RFC3: variants seen among roughly 807,000 people sequenced by gnomAD.
The protein encoded by RFC3 is A1 38 kDa subunit.
In RFC3, 41 loss-of-function variants were observed where a neutral mutation model predicts 45.1. The ratio of observed to expected loss-of-function variants is 0.91; its 90% CI spans 0.71 to 1.18. The LOEUF is 1.18. Among genes scored for constraint, RFC3 ranks in the 50% most tolerant of loss-of-function variants. The pLI, the probability that RFC3 is intolerant of heterozygous loss-of-function variation, is 0.00. For missense variants in RFC3, 423 were observed against 428.1 expected, an observed-to-expected ratio of 0.99 and a Z score of 0.10; for synonymous variants, 149 against 144.0, an observed-to-expected ratio of 1.03 and a Z score of -0.25.
chr13:33,922,635 G>A (rs2082776512), intron 8 of RFC3, among the ~76,000 whole-genome samples: 1 of 152,084 alleles, frequency 6.6e-6, no homozygotes, highest in Non-Finnish European at 1.5e-5. Context: ...AAACCTTTGG[G>A]AAAAATATGT....
intron 8 of RFC3, among the ~76,000 whole-genome samples, chr13:33,888,128 A>G (rs189474074): frequency 1.3e-5 from 2 of 152,266 alleles, no homozygotes; most frequent in Admixed American, 6.5e-5. Flanking sequence ...TTTTGGTTCC[A>G]TATGAACTTT....
chr13:33,969,670 C>T (rs1433849974), downstream of RFC3, among the ~76,000 whole-genome samples: 1 of 152,140 alleles, frequency 6.6e-6, no homozygotes, highest in Admixed American at 6.6e-5. Flanking sequence ...ACCTGAAAGT[C>T]AGGAGACTTG....
chr13:33,916,929 C>T (rs534047579), intron 8 of RFC3, among the ~76,000 whole-genome samples: 1 of 152,094 alleles, frequency 6.6e-6, no homozygotes, highest in African/African-American at 2.4e-5. Context: ...AATTTAACAC[C>T]CAACATATGT....
intron 8 of RFC3, among the ~76,000 whole-genome samples, chr13:33,910,688 G>A (rs1334724284): frequency 2.6e-5 from 4 of 152,048 alleles, no homozygotes; most frequent in East Asian, 1.9e-4. Context: ...GCTCGAGGTA[G>A]GTGTATTAGT....
At chr13:33,924,266 G>A (rs925434382) in intron 8 of RFC3, among the ~76,000 whole-genome samples, 2 of 151,752 alleles carry the variant, frequency 1.3e-5, no homozygotes, top group Non-Finnish European at 2.9e-5. Context: ...AAACATCACC[G>A]GTTTTCTATG....
intron 7 of RFC3, among the ~76,000 whole-genome samples, chr13:33,834,386 T>C (rs576744444): frequency 5.1e-4 from 75 of 147,090 alleles, no homozygotes; most frequent in African/African-American, 1.9e-3. Flanking sequence ...TTTGGAACTT[T>C]CTCTCTTTTT....
intron 8 of RFC3, among the ~76,000 whole-genome samples, chr13:33,954,613 G>T (rs1304405609): frequency 6.6e-6 from 1 of 152,154 alleles, no homozygotes; most frequent in African/African-American, 2.4e-5. Flanking sequence ...TCACAGTCCG[G>T]AGGCTGGAAG....
intron 8 of RFC3, among the ~76,000 whole-genome samples, chr13:33,898,751 T>C (rs950504545): frequency 6.6e-6 from 1 of 151,652 alleles, no homozygotes; most frequent in African/African-American, 2.4e-5. Context: ...AGCGAAACTT[T>C]AGCTATACTA....
chr13:33,896,749 T>TAAAAAAAAA, intron 8 of RFC3, among the ~76,000 whole-genome samples: 1 of 72,566 alleles, frequency 1.4e-5, no homozygotes, highest in Non-Finnish European at 3.0e-5. Context: ...AAAAAGCAAG[T>TAAAAAAAAA]AACATATAAA....
intron 8 of RFC3, among the ~76,000 whole-genome samples, chr13:33,906,437 A>G (rs2082672182): frequency 6.6e-6 from 1 of 152,060 alleles, no homozygotes; most frequent in Non-Finnish European, 1.5e-5. Flanking sequence ...CATATGACTA[A>G]ATATGGACTT....
At chr13:33,846,855 T>TG (rs2082241198) in intron 8 of RFC3, 1 of 152,266 alleles carries the variant, frequency 6.6e-6, no homozygotes, top group Admixed American at 6.5e-5. Flanking sequence ...TGTCATGTGT[T>TG]GCTCTCCACT....
intron 8 of RFC3, among the ~76,000 whole-genome samples, chr13:33,883,754 G>T (rs1043642836): frequency 6.6e-6 from 1 of 152,206 alleles, no homozygotes; most frequent in Non-Finnish European, 1.5e-5. Flanking sequence ...GGACACATAT[G>T]AGGGAACAAT....
chr13:33,917,344 G>A (rs1249956258), intron 8 of RFC3, among the ~76,000 whole-genome samples: 6 of 152,028 alleles, frequency 3.9e-5, no homozygotes, highest in South Asian at 4.2e-4. Context: ...GATAATCCGA[G>A]GCATGGAAAG....
At chr13:33,943,273 A>C (rs2082935662) in intron 8 of RFC3, among the ~76,000 whole-genome samples, 1 of 152,110 alleles carries the variant, frequency 6.6e-6, no homozygotes, top group Non-Finnish European at 1.5e-5. Context: ...ACTTCATAAC[A>C]CGGCATAAGG....
chr13:33,910,486 A>G (rs2082697343), intron 8 of RFC3, among the ~76,000 whole-genome samples: 1 of 152,132 alleles, frequency 6.6e-6, no homozygotes, highest in Non-Finnish European at 1.5e-5. Flanking sequence ...TAAACCAACA[A>G]CAGAGAACAG....
chr13:33,866,434 C>T (rs2082374203), intron 8 of RFC3, among the ~76,000 whole-genome samples: 1 of 152,178 alleles, frequency 6.6e-6, no homozygotes, highest in African/African-American at 2.4e-5. Flanking sequence ...GATAATTGAT[C>T]ATGAGTTCTT....
downstream of RFC3, among the ~76,000 whole-genome samples, chr13:33,839,200 AC>A (rs1478373929): frequency 1.3e-5 from 2 of 152,012 alleles, no homozygotes; most frequent in African/African-American, 4.8e-5. Flanking sequence ...GCTTAGCTTA[AC>A]CCCTCTGTGG....
intron 3 of RFC3, 51 bp downstream of exon 3, chr13:33,824,035 G>C (rs2082027475): frequency 1.1e-6 from 1 of 926,878 alleles, no homozygotes; most frequent in African/African-American, 1.7e-5. Flanking sequence ...ATTGGTTTTG[G>C]GCTTTCTTTT....
chr13:33,818,286 A>T, intron 1 of RFC3, 21 bp downstream of exon 1: 1 of 1,607,650 alleles, frequency 6.2e-7, no homozygotes, highest in Admixed American at 1.7e-5. Context: ...GGGGGCCGGG[A>T]GCGTGGGAGA....
Sources: gnomAD v4.1 joint callset for allele counts (sites outside exome capture counted in the v4.1 genomes callset) on GRCh38, gnomAD v4.1.1 for gene constraint, MANE v1.5 for transcripts, NCBI Gene and HGNC (gene_info 2026-07-23, HGNC 2026-07-21) for gene names.